The following TTC34 variants were observed in gnomAD, a reference collection of about 807,000 sequenced individuals.
TTC34 encodes the protein tetratricopeptide repeat protein 34.
A neutral mutation model predicts 40.7 loss-of-function variants in TTC34; 44 were observed. The observed-to-expected ratio is 1.08, with a 90% CI of 0.85 to 1.39. The LOEUF (loss-of-function observed/expected upper bound fraction) is 1.39, where lower values mean the gene tolerates loss of function less well. Among genes scored for constraint, TTC34 ranks in the 40% most tolerant of loss-of-function variants. TTC34 has a pLI of 0.00. For synonymous variants in TTC34, 422 were observed against 398.6 expected (o/e 1.06, Z -0.70); for missense variants, 884 against 838.0 (o/e 1.05, Z -0.68).
At position 2,748,844 on chromosome 1, in the gene TTC34, C is replaced by A. The variant is rs1422538735; in HGVS notation, c.2226+34765G>T. Among the ~76,000 whole-genome samples, 24 of 139,114 alleles carry A rather than the reference C, an allele frequency of 1.7e-4. 7 individuals carry two copies. Among genetic ancestry groups the A allele is most frequent in the African/African-American group, 3.1e-4 (11 of 35,018 alleles). 91.3% of individuals were successfully genotyped at this position (139,114 alleles called of 152,430 possible). A position where few individuals can be genotyped will look rare whatever the true frequency, so the allele number is the denominator to read the frequency against. On this transcript the variant is annotated intron_variant, in intron 6 of 8. Transcript: ENST00000401095. ...CAGCCTCGGTCGGCACCCACAAACC[C>A]AGGTGAGCATCTGATGCTTTGGAGC...
At chr1:2,677,057 T>C (rs1322053373) in intron 6 of TTC34, among the ~76,000 whole-genome samples, 1 of 58,856 alleles carries the variant, frequency 1.7e-5, no homozygotes. Flanking sequence ...CAACCCCAAG[T>C]GAGCATCTGA....
chr1:2,640,730 T>A (rs1190685982), exon 9 of TTC34: 2 of 151,852 alleles, frequency 1.3e-5, no homozygotes, highest in Non-Finnish European at 2.9e-5. Context: ...CTTCTGGGGC[T>A]GGTACCATCT....
At chr1:2,647,367 G>T (rs1639039417) in intron 6 of TTC34, among the ~76,000 whole-genome samples, 1 of 152,162 alleles carries the variant, frequency 6.6e-6, no homozygotes, top group Non-Finnish European at 1.5e-5. Context: ...GCTCACGCCT[G>T]TAATCCCAGC....
At chr1:2,777,546 C>T (rs918858365) in intron 6 of TTC34, among the ~76,000 whole-genome samples, 3 of 152,192 alleles carry the variant, frequency 2.0e-5, no homozygotes, top group Non-Finnish European at 4.4e-5. Context: ...CTGCATGTTA[C>T]CTGTGGTGAA....
chr1:2,795,020 C>A (rs192906244), intron 2 of TTC34, among the ~76,000 whole-genome samples: 198 of 151,930 alleles, frequency 1.3e-3, no homozygotes, highest in African/African-American at 4.5e-3. Flanking sequence ...CATAACCATC[C>A]ACTGTAAAAC....
At chr1:2,768,089 C>A (rs896091526) in intron 6 of TTC34, among the ~76,000 whole-genome samples, 2 of 151,538 alleles carry the variant, frequency 1.3e-5, no homozygotes, top group African/African-American at 4.8e-5. Flanking sequence ...CCCACATCCC[C>A]AGGTAAGTGT....
At chr1:2,750,145 C>A (rs1229348372) in intron 6 of TTC34, among the ~76,000 whole-genome samples, 413 of 134,582 alleles carry the variant, frequency 3.1e-3, no homozygotes, top group African/African-American at 5.2e-3. Flanking sequence ...CATCCGACAG[C>A]GTGGAGCAGA....
intron 6 of TTC34, among the ~76,000 whole-genome samples, chr1:2,646,741 C>T (rs895262728): frequency 6.6e-6 from 1 of 152,194 alleles, no homozygotes; most frequent in African/African-American, 2.4e-5. Context: ...ATAAATACAT[C>T]ATTTTGTATT....
intron 6 of TTC34, among the ~76,000 whole-genome samples, chr1:2,651,758 C>G (rs1639140750): frequency 1.3e-5 from 2 of 152,006 alleles, no homozygotes; most frequent in Non-Finnish European, 2.9e-5. Flanking sequence ...AGAACAGCAC[C>G]CTCCACCCTC....
intron 6 of TTC34, among the ~76,000 whole-genome samples, chr1:2,652,499 C>A (rs1476316936): frequency 1.1e-3 from 156 of 146,470 alleles, no homozygotes; most frequent in Middle Eastern, 3.9e-3. Flanking sequence ...AGGCGAGCAT[C>A]TGACGGCCTG....
intron 6 of TTC34, among the ~76,000 whole-genome samples, chr1:2,675,016 T>C (rs1639846667): frequency 7.4e-6 from 1 of 135,362 alleles, no homozygotes; most frequent in African/African-American, 2.7e-5. Flanking sequence ...GGTGAGCATC[T>C]GATGGTCTGG....
At chr1:2,750,911 G>A (rs1159423776) in intron 6 of TTC34, among the ~76,000 whole-genome samples, 2 of 104,984 alleles carry the variant, frequency 1.9e-5, no homozygotes, top group African/African-American at 4.8e-5. Flanking sequence ...CTGAACGCAC[G>A]GAGCAGCACC....
intron 6 of TTC34, among the ~76,000 whole-genome samples, chr1:2,748,815 C>G (rs1208125923): frequency 1.1e-3 from 35 of 32,156 alleles, no homozygotes; most frequent in East Asian, 6.2e-3. Flanking sequence ...AGGCGAGCAT[C>G]TGACAGCCTC....
intron 6 of TTC34, among the ~76,000 whole-genome samples, chr1:2,648,261 G>A (rs1639058931): frequency 6.6e-6 from 1 of 152,212 alleles, no homozygotes; most frequent in African/African-American, 2.4e-5. Context: ...AGACAGGGCT[G>A]TGGTGCTGTC....
exon 9 of TTC34, chr1:2,638,000 C>G (rs1350876036): frequency 6.6e-6 from 1 of 152,186 alleles, no homozygotes; most frequent in Non-Finnish European, 1.5e-5. Flanking sequence ...CTCTGAGCCT[C>G]TCCTTCCAGG....
chr1:2,761,022 C>A (rs1414789576), intron 6 of TTC34, among the ~76,000 whole-genome samples: 2 of 72,582 alleles, frequency 2.8e-5, no homozygotes, highest in Non-Finnish European at 4.7e-5. Flanking sequence ...GAGCATATGA[C>A]CACCTGGAGC....
chr1:2,797,082 G>A (rs1246944969), intron 2 of TTC34, among the ~76,000 whole-genome samples: 1 of 152,176 alleles, frequency 6.6e-6, no homozygotes, highest in Non-Finnish European at 1.5e-5. Context: ...CTCCTCCCCA[G>A]AAGCACAGTA....
At chr1:2,799,468 A>G (rs932984765) in intron 2 of TTC34, among the ~76,000 whole-genome samples, 4 of 152,070 alleles carry the variant, frequency 2.6e-5, no homozygotes, top group Non-Finnish European at 4.4e-5. Flanking sequence ...TCTTGAACCC[A>G]GTGGGTGGAG....
rs1640649513 is a variant in TTC34 at position 2,692,144 on chromosome 1, AC to A, written c.2227-46582del. Among the ~76,000 whole-genome samples the A allele has an allele frequency of 3.1e-4, 3 of 9,538 alleles. 1 individual carries two copies. Among genetic ancestry groups the A allele is most frequent in the African/African-American group, 1.1e-3 (3 of 2,716 alleles). The allele number at this position is 9,538 out of a possible 152,430, so 6.3% of individuals were successfully genotyped here. A position where few individuals can be genotyped will look rare whatever the true frequency, so the allele number is the denominator to read the frequency against. On this transcript the variant is annotated intron_variant, in intron 6 of 8. Transcript: ENST00000401095. ...CTGACAGCCTGGGTCGGCACCCACA[AC>A]CCCAGGCGAGCATCTGACGGCCTGG...
Sources: gnomAD v4.1 joint callset for allele counts (sites outside exome capture counted in the v4.1 genomes callset) on GRCh38, gnomAD v4.1.1 for gene constraint, MANE v1.5 for transcripts, NCBI Gene and HGNC (gene_info 2026-07-23, HGNC 2026-07-21) for gene names.